The following NOC3L variants were observed in gnomAD, a reference collection of about 807,000 sequenced individuals.
NOC3L encodes the protein NOC3 like DNA replication regulator, also known as nucleolar complex protein 3 homolog.
In NOC3L, 85 loss-of-function variants were observed where a neutral mutation model predicts 102.5. The observed-to-expected ratio is 0.83, with a 90% CI of 0.70 to 0.99. The LOEUF is 0.99. Ranked by LOEUF, NOC3L falls within the 50% of genes least tolerant of loss-of-function variation. The probability of loss-of-function intolerance (pLI) is 0.00; values close to 1 mark genes in which losing one functional copy is unlikely to be tolerated. For missense variants in NOC3L, 878 were observed against 914.9 expected (o/e 0.96, Z 0.52); for synonymous variants, 303 against 309.4 (o/e 0.98, Z 0.22).
rs768165914 is a variant in NOC3L at position 94,356,512 on chromosome 10, T to C, written c.565+23A>G. 2.1e-6 allele frequency: 3 copies of C among 1,458,164 alleles called. No homozygotes were observed. In the Admixed American group the frequency reaches 5.3e-5, roughly 26 times the overall value. The allele number at this position is 1,458,164 out of a possible 1,614,324, so 90.3% of individuals were successfully genotyped here. A position where few individuals can be genotyped will look rare whatever the true frequency, so the allele number is the denominator to read the frequency against. On this transcript the variant is annotated intron_variant, in intron 5 of 20. Transcript: ENST00000371361. ...GCAAAAAAATTCTCAATTAACAATT[T>C]AGTAACTGTAAAGACATATTACCTT...
chr10:94,328,972 GTTTAAA>G, downstream of NOC3L: 1 of 152,212 alleles, frequency 6.6e-6, no homozygotes, highest in South Asian at 2.1e-4. Flanking sequence ...TTGAGTTGGC[GTTTAAA>G]TTTATTTTGC....
chr10:94,322,402 G>T, the NOC3L span, among the ~76,000 whole-genome samples: 1 of 151,548 alleles, frequency 6.6e-6, no homozygotes, highest in African/African-American at 2.4e-5. Context: ...TGTAATCCCA[G>T]CAGTTTGGGA....
chr10:94,344,593 A>G, intron 12 of NOC3L, 78 bp from the exon 13 acceptor site: 1 of 1,016,106 alleles, frequency 9.8e-7, no homozygotes, highest in Non-Finnish European at 1.5e-6. Flanking sequence ...TATCACTTCA[A>G]CAGGTTAACT....
chr10:94,359,510 A>C (rs1305309888), intron 2 of NOC3L, among the ~76,000 whole-genome samples: 1 of 152,184 alleles, frequency 6.6e-6, no homozygotes, highest in Non-Finnish European at 1.5e-5. Context: ...CACACTGCAC[A>C]GAATGGCACT....
chr10:94,334,333 G>A, intron 20 of NOC3L, 28 bp from the exon 21 acceptor site: 1 of 1,461,060 alleles, frequency 6.8e-7, no homozygotes, highest in South Asian at 1.2e-5. Context: ...GTATGAGTTA[G>A]AAGTTACTTA....
downstream of NOC3L, chr10:94,332,086 G>A (rs1268611630): frequency 6.6e-6 from 1 of 151,888 alleles, no homozygotes; most frequent in Non-Finnish European, 1.5e-5. Flanking sequence ...GGTAAGGCTG[G>A]TCTCGAACTC....
chr10:94,358,048 G>A (rs761689305), intron 3 of NOC3L, 35 bp downstream of exon 3: 3 of 1,384,432 alleles, frequency 2.2e-6, no homozygotes, highest in Non-Finnish European at 3.1e-6. Context: ...AACACTAAAT[G>A]GATATGAATG....
At chr10:94,354,447 C>T (rs2054458767) in intron 6 of NOC3L, among the ~76,000 whole-genome samples, 1 of 150,950 alleles carries the variant, frequency 6.6e-6, no homozygotes, top group African/African-American at 2.4e-5. Context: ...AAGATTAAAC[C>T]TCAGATTTCT....
At chr10:94,344,990 C>A in intron 11 of NOC3L, 57 bp from the exon 12 acceptor site, 1 of 1,245,352 alleles carries the variant, frequency 8.0e-7, no homozygotes, top group Non-Finnish European at 1.1e-6. Flanking sequence ...GTGAAAAAAG[C>A]AGAGGCAGAA....
chr10:94,338,476 G>C, intron 18 of NOC3L, 132 bp downstream of exon 18: 1 of 955,264 alleles, frequency 1.0e-6, no homozygotes, highest in East Asian at 2.7e-5. Context: ...TACTAACACA[G>C]GAATTCTAAA....
At chr10:94,319,864 C>CTTTT in the NOC3L span, among the ~76,000 whole-genome samples, 426 of 92,904 alleles carry the variant, frequency 4.6e-3, 10 homozygotes, top group Non-Finnish European at 7.0e-3. Flanking sequence ...CAAAGGTGCT[C>CTTTT]TTTTTTTTTT....
chr10:94,327,628 TC>T, the NOC3L span, among the ~76,000 whole-genome samples: 2 of 152,222 alleles, frequency 1.3e-5, no homozygotes, highest in Admixed American at 6.5e-5. Context: ...GTTTCAATAA[TC>T]TACAGATTTT....
Position 94,350,107 on chromosome 10 carries a change from A to G in NOC3L, c.1128+6T>C. 2 of 1,613,694 alleles carry G rather than the reference A, an allele frequency of 1.2e-6. No homozygotes were observed. Among genetic ancestry groups the G allele is most frequent in the African/African-American group, 2.7e-5 (2 of 74,938 alleles). ...AGGACAGCAATAACCATTTACAGCA[A>G]CTCACCAATTTTGACATGTCATTCA... On this transcript the variant is annotated splice_donor_region_variant and intron_variant, in intron 9 of 20. Transcript: ENST00000371361.
chr10:94,343,374 C>A (rs1228037730), intron 13 of NOC3L, among the ~76,000 whole-genome samples: 3 of 152,102 alleles, frequency 2.0e-5, no homozygotes, highest in Non-Finnish European at 4.4e-5. Flanking sequence ...GAGAGCTTGT[C>A]TCTATTTAAA....
At chr10:94,357,803 G>A (rs816278) in intron 3 of NOC3L, 243,123 of 369,362 alleles carry the variant, frequency 0.66, 81,174 homozygotes, top group East Asian at 0.79. Context: ...CATAGCCGTA[G>A]GAACTCAGAA....
At chr10:94,326,116 A>G in the NOC3L span, among the ~76,000 whole-genome samples, 1 of 152,218 alleles carries the variant, frequency 6.6e-6, no homozygotes, top group African/African-American at 2.4e-5. Flanking sequence ...CTAAGGGTTC[A>G]TTAAAGCCCA....
chr10:94,333,199 T>A (rs2054179020), downstream of NOC3L: 1 of 152,128 alleles, frequency 6.6e-6, no homozygotes, highest in Non-Finnish European at 1.5e-5. Flanking sequence ...GCTGTGCTTT[T>A]TTCAAAAAAT....
intron 14 of NOC3L, 32 bp downstream of exon 14, chr10:94,341,641 T>C: frequency 8.5e-7 from 1 of 1,180,570 alleles, no homozygotes; most frequent in Non-Finnish European, 1.2e-6. Context: ...TTACCATTTA[T>C]ATCTTTTAAA....
Position 94,336,883 on chromosome 10 carries a change from G to C in NOC3L, c.2189+894C>G, listed in dbSNP as rs188466905. On this transcript the variant is annotated intron_variant, in intron 19 of 20. Transcript: ENST00000371361. ...CAGGAGTTCGAGACCAGCCTGGCCA[G>C]CATGGTGAAACCCCATCTCTACAAA... 5.2e-3 allele frequency among the ~76,000 whole-genome samples: 789 copies of C among 151,368 alleles called. 10 individuals are homozygous for C. Among genetic ancestry groups the C allele is most frequent in the African/African-American group, 0.018 (726 of 41,358 alleles).
Sources: gnomAD v4.1 joint callset for allele counts (sites outside exome capture counted in the v4.1 genomes callset) on GRCh38, gnomAD v4.1.1 for gene constraint, MANE v1.5 for transcripts, NCBI Gene and HGNC (gene_info 2026-07-23, HGNC 2026-07-21) for gene names.